The following ETNK1 variants were observed in gnomAD, a reference collection of about 807,000 sequenced individuals.
ETNK1 encodes putative protein product of Nbla10396.
In ETNK1, 8 loss-of-function variants were observed where a neutral mutation model predicts 45.1. The ratio of observed to expected loss-of-function variants is 0.18; its 90% CI spans 0.10 to 0.32. ETNK1 has a LOEUF of 0.32. Ranked by LOEUF, ETNK1 falls within the 10% of genes least tolerant of loss-of-function variation. ETNK1 has a pLI of 1.00. For missense variants in ETNK1, 302 were observed against 430.6 expected (o/e 0.70, Z 2.64); for synonymous variants, 152 against 151.9 (o/e 1.00, Z -0.01).
intron 1 of ETNK1, among the ~76,000 whole-genome samples, chr12:22,637,200 A>T (rs929698246): frequency 2.6e-5 from 4 of 152,214 alleles, no homozygotes; most frequent in Admixed American, 2.6e-4. Context: ...TTCTCTCAAG[A>T]CATTAAGCCG....
intron 1 of ETNK1, among the ~76,000 whole-genome samples, chr12:22,642,639 A>C (rs1953753904): frequency 1.3e-5 from 2 of 152,036 alleles, no homozygotes; most frequent in South Asian, 4.1e-4. Context: ...ATATCATATC[A>C]ATCTAATTGA....
intron 2 of ETNK1, among the ~76,000 whole-genome samples, chr12:22,653,112 G>T (rs888490066): frequency 6.6e-6 from 1 of 151,840 alleles, no homozygotes; most frequent in Non-Finnish European, 1.5e-5. Flanking sequence ...TTCTTTTCCC[G>T]TTGTTGTCCT....
rs1198272972 is a variant in ETNK1, at chr12:22,625,288, C to T, written c.-143C>T. The T allele has an allele frequency of 1.3e-5, 21 of 1,607,826 alleles. No individual in the cohort carries two copies. Among genetic ancestry groups the T allele is most frequent in the Non-Finnish European group, 1.7e-5 (20 of 1,177,894 alleles). ...AGTGCCGCCTCCAGACGTTCTCCTG[C>T]CGCTCGCCCGCCCGTCCCAGCGCCC... On this transcript the variant is annotated 5_prime_UTR_variant, in exon 1 of 8. Transcript: ENST00000266517.
intron 1 of ETNK1, among the ~76,000 whole-genome samples, chr12:22,636,293 G>T (rs1237450547): frequency 6.6e-6 from 1 of 152,058 alleles, no homozygotes; most frequent in Non-Finnish European, 1.5e-5. Flanking sequence ...AAAAAAAAAT[G>T]AGGTCTTGGA....
intron 1 of ETNK1, among the ~76,000 whole-genome samples, chr12:22,632,687 G>A (rs1193184044): frequency 6.6e-6 from 1 of 151,936 alleles, no homozygotes; most frequent in East Asian, 1.9e-4. Context: ...ATTTTTTGTA[G>A]TGATGTGGTC....
intron 2 of ETNK1, among the ~76,000 whole-genome samples, chr12:22,655,915 G>C (rs947526896): frequency 1.3e-5 from 2 of 152,162 alleles, no homozygotes; most frequent in Admixed American, 6.5e-5. Context: ...TTTGTGCAGC[G>C]TTATAGGGGT....
chr12:22,632,430 T>G (rs987183330), intron 1 of ETNK1, among the ~76,000 whole-genome samples: 4 of 152,106 alleles, frequency 2.6e-5, no homozygotes, highest in Non-Finnish European at 5.9e-5. Context: ...TTGACTATAA[T>G]TTTTGATAGT....
At chr12:22,645,477 A>C (rs1953795907) in intron 2 of ETNK1, among the ~76,000 whole-genome samples, 1 of 151,892 alleles carries the variant, frequency 6.6e-6, no homozygotes, top group Non-Finnish European at 1.5e-5. Context: ...CAGTAAAAAT[A>C]TCCTTTTCTA....
intron 1 of ETNK1, chr12:22,638,619 A>G (rs1455465546): frequency 6.6e-6 from 1 of 152,060 alleles, no homozygotes; most frequent in Non-Finnish European, 1.5e-5. Flanking sequence ...TACTTGTGCT[A>G]TATTATATTA....
chr12:22,662,050 CCCCGCA>C (rs1424191237), intron 4 of ETNK1, among the ~76,000 whole-genome samples: 4 of 44,138 alleles, frequency 9.1e-5, no homozygotes, highest in Admixed American at 3.9e-4. Context: ...GAAACTAGTT[CCCCGCA>C]CCCCCCCCCC....
Position 22,690,493 on chromosome 12 carries a change from A to C in ETNK1, c.*5539A>C, listed in dbSNP as rs962399134. 2 of 152,608 alleles carry C rather than the reference A, an allele frequency of 1.3e-5. No homozygotes were observed. Among genetic ancestry groups the C allele is most frequent in the African/African-American group, 2.4e-5 (1 of 41,466 alleles). 9.5% of individuals were successfully genotyped at this position (152,608 alleles called of 1,614,324 possible). A position where few individuals can be genotyped will look rare whatever the true frequency, so the allele number is the denominator to read the frequency against. ...AAATACATTTTCACTATGTGTTCATAAACTTTTAATGAAGCTGTTTGTCTT... is the reference window on the plus strand; with the variant it reads ...AAATACATTTTCACTATGTGTTCATCAACTTTTAATGAAGCTGTTTGTCTT... On this transcript the variant is annotated 3_prime_UTR_variant, in exon 8 of 8. Coordinates refer to ENST00000266517, the MANE Select transcript of ETNK1 (RefSeq NM_018638.5).
intron 4 of ETNK1, among the ~76,000 whole-genome samples, chr12:22,662,310 A>T (rs1592130619): frequency 7.0e-6 from 1 of 142,212 alleles, no homozygotes; most frequent in Non-Finnish European, 1.5e-5. Flanking sequence ...CTGGTCTCGA[A>T]CTCCTGACCC....
rs1418543260 is a variant in ETNK1, at chr12:22,689,791, A to T, written c.*4837A>T. The T allele has an allele frequency of 2.6e-5, 4 of 151,990 alleles. No individual in the cohort carries two copies. Among genetic ancestry groups the T allele is most frequent in the Non-Finnish European group, 4.4e-5 (3 of 67,888 alleles). The allele number at this position is 151,990 out of a possible 1,614,324, so 9.4% of individuals were successfully genotyped here. On this transcript the variant is annotated 3_prime_UTR_variant, in exon 8 of 8. Transcript: ENST00000266517. Reference sequence around the variant, plus strand: ...TTGTGGTGTGCTGCTACTTAATTATAGGTAGTGACACACTGAAATTCTTAT... The same window carrying T: ...TTGTGGTGTGCTGCTACTTAATTATTGGTAGTGACACACTGAAATTCTTAT...
At chr12:22,662,312 T>G (rs1400023828) in intron 4 of ETNK1, among the ~76,000 whole-genome samples, 2 of 141,508 alleles carry the variant, frequency 1.4e-5, no homozygotes, top group African/African-American at 5.2e-5. Flanking sequence ...GGTCTCGAAC[T>G]CCTGACCCCA....
At chr12:22,660,615 C>G (rs1592129785) in intron 3 of ETNK1, among the ~76,000 whole-genome samples, 1 of 152,048 alleles carries the variant, frequency 6.6e-6, no homozygotes, top group East Asian at 1.9e-4. Context: ...ATTTATATTG[C>G]ATTCACCCTT....
At chr12:22,634,354 G>C (rs1041068924) in intron 1 of ETNK1, among the ~76,000 whole-genome samples, 1 of 151,978 alleles carries the variant, frequency 6.6e-6, no homozygotes, top group Non-Finnish European at 1.5e-5. Context: ...ATTTTGATTA[G>C]GATTTTTGCA....
intron 6 of ETNK1, among the ~76,000 whole-genome samples, chr12:22,674,343 T>C (rs1954139594): frequency 6.6e-6 from 1 of 152,186 alleles, no homozygotes; most frequent in South Asian, 2.1e-4. Context: ...TTTAATATAA[T>C]TTTGTATAGT....
At chr12:22,644,699 CAA>C (rs1250665857) in intron 2 of ETNK1, 1 of 152,432 alleles carries the variant, frequency 6.6e-6, no homozygotes, top group Non-Finnish European at 1.5e-5. Context: ...GATATTAAAA[CAA>C]ATTTTTTAGA....
At chr12:22,628,568 A>C (rs1435013794) in intron 1 of ETNK1, among the ~76,000 whole-genome samples, 1 of 152,102 alleles carries the variant, frequency 6.6e-6, no homozygotes, top group Non-Finnish European at 1.5e-5. Context: ...CATCGTATAA[A>C]GGAATAAAGA....
Sources: allele counts gnomAD v4.1 joint callset (sites outside exome capture counted in the v4.1 genomes callset), GRCh38; gene constraint gnomAD v4.1.1; transcripts MANE v1.5; gene names NCBI Gene and HGNC (gene_info 2026-07-23, HGNC 2026-07-21).